LMNB1: variants seen among roughly 807,000 people sequenced by gnomAD.
LMNB1 encodes the protein lamin-B1.
In LMNB1, 23 loss-of-function variants were observed where a neutral mutation model predicts 67.1. The observed-to-expected ratio is 0.34, with a 90% CI of 0.25 to 0.49. The LOEUF is 0.49. Among genes scored for constraint, LMNB1 ranks in the 20% least tolerant of loss-of-function variants. The pLI is 0.99. For missense variants in LMNB1, 634 were observed against 746.5 expected (o/e 0.85, Z 1.76); for synonymous variants, 281 against 282.9 (o/e 0.99, Z 0.07).
chr5:126,808,880 A>T lies in LMNB1; in HGVS notation c.643-1300A>T, dbSNP rs934863874. 8.2e-4 allele frequency among the ~76,000 whole-genome samples: 120 copies of T among 145,934 alleles called. 1 individual carries two copies. Among genetic ancestry groups the T allele is most frequent in the Non-Finnish European group, 1.2e-3 (80 of 65,954 alleles). ...TTCAGATATTACCATTCTAATTATTATTTTTTTTTTTTTGAGACGGAGTCC... is the reference window on the plus strand; with the variant it reads ...TTCAGATATTACCATTCTAATTATTTTTTTTTTTTTTTTGAGACGGAGTCC... On this transcript the variant is annotated intron_variant, in intron 3 of 10. Coordinates refer to ENST00000261366, the MANE Select transcript of LMNB1 (RefSeq NM_005573.4).
intron 1 of LMNB1, among the ~76,000 whole-genome samples, chr5:126,788,568 C>T (rs1449294288): frequency 2.0e-5 from 3 of 152,006 alleles, no homozygotes; most frequent in African/African-American, 7.2e-5. Flanking sequence ...ACCTGGGAGG[C>T]GGAGGTTGTA....
At chr5:126,803,846 C>T (rs970132425) in intron 1 of LMNB1, among the ~76,000 whole-genome samples, 26 of 152,152 alleles carry the variant, frequency 1.7e-4, no homozygotes, top group Admixed American at 1.4e-3. Context: ...CCACCGTGCC[C>T]GGCCCTGAAC....
At chr5:126,794,573 G>A (rs927225174) in intron 1 of LMNB1, among the ~76,000 whole-genome samples, 4 of 152,176 alleles carry the variant, frequency 2.6e-5, no homozygotes, top group African/African-American at 7.2e-5. Flanking sequence ...CCCCAGACAC[G>A]GATTTGTGTG....
At chr5:126,835,936 C>T (rs1169122302) in intron 10 of LMNB1, among the ~76,000 whole-genome samples, 1 of 152,138 alleles carries the variant, frequency 6.6e-6, no homozygotes, top group African/African-American at 2.4e-5. Context: ...GTCGCAGCTG[C>T]TCGGGAGGCT....
intron 1 of LMNB1, among the ~76,000 whole-genome samples, chr5:126,792,646 G>A (rs1750991870): frequency 2.1e-5 from 3 of 141,096 alleles, no homozygotes; most frequent in African/African-American, 8.0e-5. Context: ...GCGCGATCGC[G>A]GCTCACCGCA....
intron 3 of LMNB1, among the ~76,000 whole-genome samples, chr5:126,808,206 C>CA (rs146626457): frequency 0.026 from 3,874 of 151,118 alleles, 188 homozygotes; most frequent in African/African-American, 0.089. Flanking sequence ...TTGTGTGAGA[C>CA]AGAGTCTCAC....
At chr5:126,779,765 G>A (rs1461129828) in intron 1 of LMNB1, among the ~76,000 whole-genome samples, 1 of 152,182 alleles carries the variant, frequency 6.6e-6, no homozygotes, top group Non-Finnish European at 1.5e-5. Flanking sequence ...GGACGCGGGG[G>A]CTCACGCCTG....
rs1168527394 is a variant in LMNB1 at position 126,819,113 on chromosome 5, C to T, written c.1131C>T (p.Tyr377=). ...KLALDMEISA[Y]RKLLEGEEER... ...CCCTGGACATGGAAATCAGTGCTTA[C>T]AGGAAACTCTTAGAAGGCGAAGAAG... The change falls in exon 6 of 11, where the codon TAC becomes TAT. Residue 377 remains tyrosine, a synonymous_variant. Transcript: ENST00000261366. 1.9e-6 allele frequency: 3 copies of T among 1,614,102 alleles called. No homozygotes were observed. The highest frequency in any genetic ancestry group is 2.2e-5 in the East Asian group (1 of 44,872).
chr5:126,806,336 T>C (rs1301132415), intron 3 of LMNB1, among the ~76,000 whole-genome samples: 1 of 152,252 alleles, frequency 6.6e-6, no homozygotes, highest in Admixed American at 6.5e-5. Context: ...TATTCCTGCC[T>C]AACAAATTAC....
chr5:126,797,751 T>G (rs575977157), intron 1 of LMNB1, among the ~76,000 whole-genome samples: 1 of 152,302 alleles, frequency 6.6e-6, no homozygotes, highest in East Asian at 1.9e-4. Context: ...TGGCTCCCCA[T>G]GTATCCTTGA....
At chr5:126,800,982 AT>A (rs57114367) in intron 1 of LMNB1, among the ~76,000 whole-genome samples, 2 of 18,638 alleles carry the variant, frequency 1.1e-4, no homozygotes, top group East Asian at 1.5e-3. Context: ...TATATATATA[AT>A]TTTTTTTTTT....
At chr5:126,830,187 G>A (rs1245193160) in intron 9 of LMNB1, among the ~76,000 whole-genome samples, 1 of 152,194 alleles carries the variant, frequency 6.6e-6, no homozygotes, top group Non-Finnish European at 1.5e-5. Flanking sequence ...ATGTGACTGA[G>A]CACAGAGCTG....
chr5:126,834,055 C>T (rs559763954), intron 10 of LMNB1, among the ~76,000 whole-genome samples: 7 of 152,326 alleles, frequency 4.6e-5, no homozygotes, highest in Non-Finnish European at 8.8e-5. Context: ...TGAACTCAAT[C>T]GAGCAGGCTG....
chr5:126,787,985 A>C (rs1477288609), intron 1 of LMNB1, among the ~76,000 whole-genome samples: 1 of 152,018 alleles, frequency 6.6e-6, no homozygotes, highest in African/African-American at 2.4e-5. Context: ...AAAAAAGAGG[A>C]GAGGTACAAA....
intron 2 of LMNB1, among the ~76,000 whole-genome samples, chr5:126,805,155 C>T (rs888549089): frequency 6.6e-6 from 1 of 152,142 alleles, no homozygotes; most frequent in Non-Finnish European, 1.5e-5. Context: ...TCTTGTGGTT[C>T]CCTTCTTCTT....
intron 6 of LMNB1, 142 bp from the exon 7 acceptor site, chr5:126,820,768 C>T (rs1751846764): frequency 3.2e-6 from 2 of 627,416 alleles, no homozygotes; most frequent in African/African-American, 1.8e-5. Flanking sequence ...TCAAGCAATC[C>T]ACCTGCCTTG....
At chr5:126,799,240 G>T (rs1056193022) in intron 1 of LMNB1, among the ~76,000 whole-genome samples, 4 of 152,122 alleles carry the variant, frequency 2.6e-5, no homozygotes, top group African/African-American at 9.7e-5. Context: ...GGATGGTCTC[G>T]ATCTCCTGAC....
At chr5:126,822,013 C>CTT (rs34781275) in intron 7 of LMNB1, among the ~76,000 whole-genome samples, 5,076 of 141,510 alleles carry the variant, frequency 0.036, 129 homozygotes, top group Middle Eastern at 0.12. Flanking sequence ...TCTTTGTAGC[C>CTT]TTTTTTTTTT....
intron 5 of LMNB1, among the ~76,000 whole-genome samples, chr5:126,816,188 C>T (rs1751699338): frequency 6.6e-6 from 1 of 151,832 alleles, no homozygotes; most frequent in African/African-American, 2.4e-5. Flanking sequence ...TTTTTGCAAA[C>T]GCAGTTAAAT....
Sources: gnomAD v4.1 joint callset for allele counts (sites outside exome capture counted in the v4.1 genomes callset) on GRCh38, gnomAD v4.1.1 for gene constraint, MANE v1.5 for transcripts, NCBI Gene and HGNC (gene_info 2026-07-23, HGNC 2026-07-21) for gene names.